RAB31: variants seen among roughly 807,000 people sequenced by gnomAD.
RAB31 encodes the protein ras-related protein Rab-31.
In RAB31, 21 loss-of-function variants were observed where a neutral mutation model predicts 25.6. That is an observed-to-expected ratio of 0.82 (90% CI 0.58 to 1.18). RAB31 has a LOEUF of 1.18. RAB31 is among the 50% of genes most tolerant of loss of function. The pLI is 0.00. For synonymous variants in RAB31, 87 were observed against 84.0 expected, an observed-to-expected ratio of 1.04 and a Z score of -0.20; for missense variants, 196 against 250.1, an observed-to-expected ratio of 0.78 and a Z score of 1.46.
At position 9,779,077 on chromosome 18, in the gene RAB31, G is replaced by A. The variant is rs368250390; in HGVS notation, c.119+3720G>A. Among the ~76,000 whole-genome samples the A allele has an allele frequency of 9.2e-5, 14 of 152,256 alleles. No individual in the cohort carries two copies. The East Asian group carries it at 1.2e-3, about 13-fold the overall frequency. On this transcript the variant is annotated intron_variant, in intron 2 of 6. Coordinates refer to ENST00000578921, the MANE Select transcript of RAB31 (RefSeq NM_006868.4). Reference sequence around the variant, plus strand: ...AGGGGTTGGTTTTGCTGTCTTGAGCGTGGGAGAGGCAGAAGGGATCGAATT... The same window carrying A: ...AGGGGTTGGTTTTGCTGTCTTGAGCATGGGAGAGGCAGAAGGGATCGAATT...
intron 5 of RAB31, among the ~76,000 whole-genome samples, chr18:9,816,583 C>T (rs762837721): frequency 6.6e-6 from 1 of 152,150 alleles, no homozygotes; most frequent in Admixed American, 6.5e-5. Flanking sequence ...GTTCTAAAAT[C>T]AGAATACGAC....
chr18:9,835,387 C>G lies in RAB31; in HGVS notation c.381-10195C>G, dbSNP rs76820168. 8.8e-3 allele frequency among the ~76,000 whole-genome samples: 1,336 copies of G among 151,612 alleles called. 21 individuals carry two copies. Among genetic ancestry groups the G allele is most frequent in the African/African-American group, 0.03 (1,242 of 40,916 alleles). On this transcript the variant is annotated intron_variant, in intron 5 of 6. Coordinates refer to ENST00000578921, the MANE Select transcript of RAB31 (RefSeq NM_006868.4). ...CAGGACTAGGCTGAATTTCTGTCAG[C>G]AGAAGGGGATTAAGAGGCAAAGGAA...
chr18:9,762,022 T>TG, intron 1 of RAB31, among the ~76,000 whole-genome samples: 1 of 152,210 alleles, frequency 6.6e-6, no homozygotes, highest in East Asian at 1.9e-4. Context: ...TGGCCAGGGT[T>TG]GTCTCAAACT....
At chr18:9,792,589 T>A (rs567300194) in intron 3 of RAB31, among the ~76,000 whole-genome samples, 7 of 152,108 alleles carry the variant, frequency 4.6e-5, no homozygotes, top group Non-Finnish European at 1.0e-4. Flanking sequence ...CCCAAAAGCA[T>A]CTCTACACCT....
chr18:9,761,401 G>A (rs931975952), intron 1 of RAB31, among the ~76,000 whole-genome samples: 4 of 152,212 alleles, frequency 2.6e-5, no homozygotes, highest in Non-Finnish European at 5.9e-5. Flanking sequence ...TGGAGAGTCA[G>A]TGCTTACTAA....
intron 2 of RAB31, among the ~76,000 whole-genome samples, chr18:9,785,921 T>A (rs1362068946): frequency 1.3e-5 from 2 of 151,832 alleles, no homozygotes; most frequent in Non-Finnish European, 2.9e-5. Context: ...ATTAGCCAGG[T>A]GTGGTGGTGC....
At chr18:9,801,400 A>G (rs571393407) in intron 3 of RAB31, among the ~76,000 whole-genome samples, 4 of 151,306 alleles carry the variant, frequency 2.6e-5, no homozygotes, top group South Asian at 2.1e-4. Flanking sequence ...TCCTGCCTCA[A>G]CCTCCCCAGT....
intron 1 of RAB31, among the ~76,000 whole-genome samples, chr18:9,757,138 C>T (rs1271135612): frequency 6.6e-6 from 1 of 152,210 alleles, no homozygotes; most frequent in African/African-American, 2.4e-5. Context: ...GAATTTATTA[C>T]AGTAATCCCA....
At chr18:9,757,314 G>A (rs1247259761) in intron 1 of RAB31, among the ~76,000 whole-genome samples, 1 of 152,182 alleles carries the variant, frequency 6.6e-6, no homozygotes, top group African/African-American at 2.4e-5. Flanking sequence ...CCTGCAGTGG[G>A]GACATGGAGC....
chr18:9,755,976 A>G (rs2068258616), intron 1 of RAB31, among the ~76,000 whole-genome samples: 1 of 152,256 alleles, frequency 6.6e-6, no homozygotes, highest in African/African-American at 2.4e-5. Flanking sequence ...CAAAGAGCAT[A>G]GATTGAAGAT....
At chr18:9,741,937 G>A (rs541802569) in intron 1 of RAB31, among the ~76,000 whole-genome samples, 1 of 152,358 alleles carries the variant, frequency 6.6e-6, no homozygotes, top group East Asian at 1.9e-4. Flanking sequence ...CAGGAAATGT[G>A]AGTCAGTGGC....
rs534970870 is a variant in RAB31 at position 9,784,844 on chromosome 18, C to T, written c.120-7310C>T. ...CTGGGATTACAGGTGTGAGCCACTG[C>T]GCCCAGCCAATTTTAGATGATATTG... is the stretch of plus-strand genomic sequence containing the variant. On this transcript the variant is annotated intron_variant, in intron 2 of 6. Transcript: ENST00000578921. Among the ~76,000 whole-genome samples, 5 of 152,044 alleles carry T rather than the reference C, an allele frequency of 3.3e-5. No homozygotes were observed. In the South Asian group the frequency reaches 8.3e-4, roughly 25 times the overall value.
At chr18:9,719,348 AATT>A (rs1402572054) in intron 1 of RAB31, among the ~76,000 whole-genome samples, 1 of 120,130 alleles carries the variant, frequency 8.3e-6, no homozygotes, top group Non-Finnish European at 1.7e-5. Flanking sequence ...AATTTGATCT[AATT>A]ATGAGGGAGG....
intron 1 of RAB31, among the ~76,000 whole-genome samples, chr18:9,720,978 G>A (rs778640202): frequency 9.2e-5 from 14 of 152,114 alleles, no homozygotes; most frequent in South Asian, 2.1e-4. Context: ...TGTGCAGGTC[G>A]TTCTCTGGGG....
intron 6 of RAB31, among the ~76,000 whole-genome samples, chr18:9,850,184 TGAG>T (rs1252924924): frequency 6.6e-6 from 1 of 152,224 alleles, no homozygotes; most frequent in Non-Finnish European, 1.5e-5. Flanking sequence ...TTTGCCGGAA[TGAG>T]GAGGATTGGC....
At chr18:9,816,829 G>T (rs1290314123) in intron 5 of RAB31, among the ~76,000 whole-genome samples, 1 of 152,190 alleles carries the variant, frequency 6.6e-6, no homozygotes, top group African/African-American at 2.4e-5. Flanking sequence ...TCTAGTCGTT[G>T]ATTTTCATAA....
At chr18:9,781,736 C>T (rs1174118397) in intron 2 of RAB31, among the ~76,000 whole-genome samples, 3 of 152,050 alleles carry the variant, frequency 2.0e-5, no homozygotes, top group African/African-American at 4.8e-5. Context: ...GAAAATTTTC[C>T]CTCTGGAATT....
At chr18:9,848,877 A>G (rs1490676789) in intron 6 of RAB31, among the ~76,000 whole-genome samples, 1 of 152,262 alleles carries the variant, frequency 6.6e-6, no homozygotes, top group Non-Finnish European at 1.5e-5. Flanking sequence ...TTTTCTGAAC[A>G]TTGGCAAATA....
intron 3 of RAB31, chr18:9,797,551 C>T (rs2068493104): frequency 6.6e-6 from 1 of 152,136 alleles, no homozygotes; most frequent in Non-Finnish European, 1.5e-5. Flanking sequence ...TGCACAATGT[C>T]GCAGAGCTAA....
Sources: allele counts gnomAD v4.1 joint callset (sites outside exome capture counted in the v4.1 genomes callset), GRCh38; gene constraint gnomAD v4.1.1; transcripts MANE v1.5; gene names NCBI Gene and HGNC (gene_info 2026-07-23, HGNC 2026-07-21).